LYPD5: variants seen among roughly 807,000 people sequenced by gnomAD.
LYPD5 encodes the protein ly6/PLAUR domain-containing protein 5.
Under a neutral mutation model 19.1 loss-of-function variants are expected in LYPD5, and 21 were observed. The observed-to-expected ratio is 1.10, with a 90% CI of 0.78 to 1.58. The LOEUF (loss-of-function observed/expected upper bound fraction) is 1.58, where lower values mean the gene tolerates loss of function less well. LYPD5 is among the 40% of genes most tolerant of loss of function. The pLI, the probability that LYPD5 is intolerant of heterozygous loss-of-function variation, is 0.00. For synonymous variants in LYPD5, 128 were observed against 142.7 expected, an observed-to-expected ratio of 0.90 and a Z score of 0.74; for missense variants, 287 against 329.8, an observed-to-expected ratio of 0.87 and a Z score of 1.00.
intron 1 of LYPD5, among the ~76,000 whole-genome samples, chr19:43,812,389 T>TATC (rs1311294064): frequency 2.2e-5 from 3 of 136,004 alleles, no homozygotes; most frequent in Non-Finnish European, 4.8e-5. Context: ...ATCTATCATC[T>TATC]ATCTATCCAT....
intron 4 of LYPD5, 97 bp downstream of exon 4, chr19:43,798,358 C>G (rs1319907881): frequency 4.2e-6 from 6 of 1,436,424 alleles, no homozygotes; most frequent in Non-Finnish European, 5.8e-6. Flanking sequence ...AGAGCAGGGC[C>G]ATGTCTCCCT....
At chr19:43,807,468 G>C (rs1472923543) in intron 1 of LYPD5, among the ~76,000 whole-genome samples, 1 of 152,014 alleles carries the variant, frequency 6.6e-6, no homozygotes, top group East Asian at 1.9e-4. Flanking sequence ...GTTTTTAGTA[G>C]AGATGGGGTT....
chr19:43,817,618 C>A (rs1970384132), intron 1 of LYPD5, among the ~76,000 whole-genome samples: 1 of 152,106 alleles, frequency 6.6e-6, no homozygotes, highest in Admixed American at 6.5e-5. Flanking sequence ...ATCCTGCATC[C>A]TCTAAATTTT....
At chr19:43,808,488 T>C (rs1203691093) in intron 1 of LYPD5, among the ~76,000 whole-genome samples, 1 of 152,232 alleles carries the variant, frequency 6.6e-6, no homozygotes, top group African/African-American at 2.4e-5. Flanking sequence ...CTAAAGAGTT[T>C]AATATTTAAA....
At chr19:43,814,494 A>AAAAC (rs144495679) in intron 1 of LYPD5, among the ~76,000 whole-genome samples, 23,882 of 151,824 alleles carry the variant, frequency 0.16, 1,941 homozygotes, top group Non-Finnish European at 0.18. Context: ...ACCTGTCTCT[A>AAAAC]AAACAAACAA....
upstream of LYPD5, among the ~76,000 whole-genome samples, chr19:43,803,740 TTGAC>T (rs1568404613): frequency 6.6e-6 from 1 of 152,202 alleles, no homozygotes; most frequent in African/African-American, 2.4e-5. Context: ...TTATCCAAAG[TTGAC>T]TGAATGCGTG....
chr19:43,816,092 T>TC lies in LYPD5; in HGVS notation c.-66+4447dup, dbSNP rs567958223. On this transcript the variant is annotated intron_variant, in intron 1 of 4. Coordinates refer to the LYPD5 transcript ENST00000414615. ...TATCTATCTATCTACCTATCATGTA[T>TC]CTATCACTTTCAAATGTCAAAGAGC... 1.9e-3 allele frequency among the ~76,000 whole-genome samples: 288 copies of TC among 150,336 alleles called. 9 individuals are homozygous for TC. In the South Asian group the frequency reaches 0.058, roughly 30 times the overall value.
At chr19:43,802,598 A>T, upstream of LYPD5, 1 of 571,432 alleles carries the variant, frequency 1.7e-6, no homozygotes, top group Non-Finnish European at 3.1e-6. Context: ...GGGAGGAGAG[A>T]ACTAGAAGTC....
Position 43,802,420 on chromosome 19 carries a change from A to C in LYPD5, c.-40T>G, listed in dbSNP as rs1377960052. 6.5e-7 allele frequency: 1 copy of C among 1,541,808 alleles called. No individual in the cohort carries two copies. The highest frequency in any genetic ancestry group is 8.8e-7 in the Non-Finnish European group (1 of 1,138,272). Reference sequence around the variant, plus strand: ...ACCTGGGACAGCTCCTCCCGCTGTGATGTGCTGCCTGGCTGGTTCTCCTTA... The same window carrying C: ...ACCTGGGACAGCTCCTCCCGCTGTGCTGTGCTGCCTGGCTGGTTCTCCTTA... On this transcript the variant is annotated 5_prime_UTR_variant, in exon 1 of 5. Coordinates refer to ENST00000377950, the MANE Select transcript of LYPD5 (RefSeq NM_001031749.3).
upstream of LYPD5, chr19:43,802,470 C>A: frequency 8.4e-7 from 1 of 1,190,268 alleles, no homozygotes; most frequent in Non-Finnish European, 1.2e-6. Context: ...TCCCGGCCAC[C>A]CAGCCTGGCC....
In LYPD5 at chr19:43,797,244, T is replaced by TC; in HGVS notation, c.*346dup. The TC allele has an allele frequency of 7.5e-6, 2 of 265,844 alleles. No homozygotes were observed. Among genetic ancestry groups the TC allele is most frequent in the South Asian group, 7.8e-5 (1 of 12,828 alleles). 16.5% of individuals were successfully genotyped at this position (265,844 alleles called of 1,614,324 possible). A position where few individuals can be genotyped will look rare whatever the true frequency, so the allele number is the denominator to read the frequency against. On this transcript the variant is annotated 3_prime_UTR_variant, in exon 5 of 5. Coordinates refer to ENST00000377950, the MANE Select transcript of LYPD5 (RefSeq NM_001031749.3). Reference sequence around the variant, plus strand: ...ACTAATAAAGACATCATTGTATAGCTCCCTCCTAGAGCTGCGACAGGCTCT... The same window carrying TC: ...ACTAATAAAGACATCATTGTATAGCTCCCCTCCTAGAGCTGCGACAGGCTCT...
At chr19:43,801,138 G>A (rs931463248) in intron 1 of LYPD5, among the ~76,000 whole-genome samples, 1 of 151,958 alleles carries the variant, frequency 6.6e-6, no homozygotes, top group Non-Finnish European at 1.5e-5. Flanking sequence ...CAGGAGAATT[G>A]CTTGAGCCAG....
At chr19:43,812,933 G>A (rs115175160) in intron 1 of LYPD5, among the ~76,000 whole-genome samples, 4,135 of 152,234 alleles carry the variant, frequency 0.027, 178 homozygotes, top group African/African-American at 0.092. Flanking sequence ...GCACACTGGC[G>A]GGAGTGTCTT....
At chr19:43,799,210 T>G (rs1000465405) in intron 2 of LYPD5, 1 of 584,106 alleles carries the variant, frequency 1.7e-6, no homozygotes, top group African/African-American at 1.9e-5. Context: ...GCTTCCCCAT[T>G]GTTTCCTCCC....
rs1445578806 is a variant in LYPD5, at chr19:43,798,909, G to A, written c.273C>T (p.Asp91=). ...PPAGQTQSNA[D]ALPPDYSVVR... ...CCACCGAGTAGTCTGGCGGCAGCGC[G>A]TCCGCGTTCGATTGCGTCTGGCCCG... Residue 91 remains aspartate (D), a synonymous_variant, in exon 3 of 5, where the codon GAC becomes GAT. Coordinates refer to ENST00000377950, the MANE Select transcript of LYPD5 (RefSeq NM_001031749.3). The A allele has an allele frequency of 2.2e-5, 35 of 1,599,938 alleles. No individual in the cohort carries two copies. The highest frequency in any genetic ancestry group is 2.6e-5 in the Non-Finnish European group (30 of 1,173,806).
Position 43,798,945 on chromosome 19 carries a change from G to C in LYPD5, c.237C>G (p.Thr79=). 6.3e-7 allele frequency: 1 copy of C among 1,588,988 alleles called. No homozygotes were observed. Among genetic ancestry groups the C allele is most frequent in the Non-Finnish European group, 8.6e-7 (1 of 1,168,554 alleles). The change falls in exon 3 of 5, where the codon ACC becomes ACG. Residue 79 remains threonine (T), a synonymous_variant. Coordinates refer to ENST00000377950, the MANE Select transcript of LYPD5 (RefSeq NM_001031749.3). The part of the protein sequence containing the change: ...PVTLVRKGCW[T]GPPAGQTQSN... ...ATTGCGTCTGGCCCGCAGGAGGCCC[G>C]GTCCAGCAGCCCTTCCGCACCAGGG...
rs1235025131 is a variant in LYPD5 at position 43,797,396 on chromosome 19, T to C, written c.*195A>G. ...ATGGCTGTTTTGCCCTCCCCGGGGA[T>C]GCTGGTGACTGTGTCCAGTTTCTTC... On this transcript the variant is annotated 3_prime_UTR_variant, in exon 5 of 5. Transcript: ENST00000377950. 1.4e-5 allele frequency: 8 copies of C among 569,328 alleles called. No homozygotes were observed. Among genetic ancestry groups the C allele is most frequent in the Admixed American group, 6.4e-5 (2 of 31,116 alleles). The allele number at this position is 569,328 out of a possible 1,614,324, so 35.3% of individuals were successfully genotyped here.
intron 1 of LYPD5, among the ~76,000 whole-genome samples, chr19:43,814,408 C>T (rs888629779): frequency 2.0e-5 from 3 of 152,158 alleles, no homozygotes; most frequent in Admixed American, 6.5e-5. Context: ...ATGAAAAAAT[C>T]ACTTGAACCC....
At chr19:43,808,635 T>C (rs1285609822) in intron 1 of LYPD5, among the ~76,000 whole-genome samples, 1 of 152,238 alleles carries the variant, frequency 6.6e-6, no homozygotes, top group Admixed American at 6.5e-5. Context: ...AGTAAATTCA[T>C]GGTCTGTTCT....
Sources: gnomAD v4.1 joint callset for allele counts (sites outside exome capture counted in the v4.1 genomes callset) on GRCh38, gnomAD v4.1.1 for gene constraint, MANE v1.5 for transcripts, NCBI Gene and HGNC (gene_info 2026-07-23, HGNC 2026-07-21) for gene names.